MFF: variants seen among roughly 807,000 people sequenced by gnomAD.
MFF encodes the protein chromosome 2 open reading frame 33.
In MFF, 12 loss-of-function variants were observed where a neutral mutation model predicts 36.9. The ratio of observed to expected loss-of-function variants is 0.33; its 90% CI spans 0.21 to 0.53. MFF has a LOEUF of 0.53. Among genes scored for constraint, MFF ranks in the 20% least tolerant of loss-of-function variants. MFF has a pLI of 0.95. For synonymous variants in MFF, 99 were observed against 126.2 expected, an observed-to-expected ratio of 0.78 and a Z score of 1.44; for missense variants, 348 against 366.6, an observed-to-expected ratio of 0.95 and a Z score of 0.42.
At chr2:227,327,669 T>C (rs924917293) in intron 1 of MFF, among the ~76,000 whole-genome samples, 17 of 152,218 alleles carry the variant, frequency 1.1e-4, no homozygotes, top group African/African-American at 3.9e-4. Flanking sequence ...AATATAGTAG[T>C]GAGACCTATG....
At chr2:227,351,417 A>G (rs1034068110) in intron 6 of MFF, among the ~76,000 whole-genome samples, 83 of 150,582 alleles carry the variant, frequency 5.5e-4, no homozygotes, top group Admixed American at 1.3e-3. Context: ...ATTGTAGTCA[A>G]AATTCCACAG....
chr2:227,355,601 C>T, intron 7 of MFF, 76 bp from the exon 8 acceptor site: 1 of 791,534 alleles, frequency 1.3e-6, no homozygotes, highest in South Asian at 1.7e-5. Context: ...GAGCATTACA[C>T]AAAGCATGAT....
intron 5 of MFF, chr2:227,346,754 T>C (rs10177414): frequency 0.33 from 43,972 of 131,934 alleles, 7,344 homozygotes; most frequent in South Asian, 0.53. Flanking sequence ...ACGAAGTGTT[T>C]GAAATGGTGT....
intron 4 of MFF, among the ~76,000 whole-genome samples, chr2:227,338,791 T>A (rs2075201160): frequency 6.6e-6 from 1 of 151,210 alleles, no homozygotes; most frequent in Non-Finnish European, 1.5e-5. Flanking sequence ...GCCGAGATTG[T>A]GCCACTGCAT....
At position 227,329,775 on chromosome 2, in the gene MFF, A is replaced by T. The variant is rs371398211; in HGVS notation, c.-40-851A>T. 4.4e-6 allele frequency: 7 copies of T among 1,581,424 alleles called. No homozygotes were observed. The South Asian group carries it at 5.6e-5, about 13-fold the overall frequency. On this transcript the variant is annotated intron_variant, in intron 2 of 8. Transcript: ENST00000304593. The stretch of plus-strand genomic sequence containing the variant: ...GTAAAGGAACAAGCAGTGACACATC[A>T]CTAGGAAGGTCAGTGAAATTTTATT...
chr2:227,346,562 G>A (rs1370618914), intron 5 of MFF, among the ~76,000 whole-genome samples: 2 of 152,174 alleles, frequency 1.3e-5, no homozygotes, highest in Admixed American at 1.3e-4. Flanking sequence ...TTTAAGAAGT[G>A]TCCTTGCCTT....
intron 5 of MFF, among the ~76,000 whole-genome samples, chr2:227,343,994 G>A (rs1199911070): frequency 2.0e-5 from 3 of 152,082 alleles, no homozygotes; most frequent in Admixed American, 6.6e-5. Flanking sequence ...CATCATATTG[G>A]CCAGGCTGGT....
intron 2 of MFF, chr2:227,330,361 A>G (rs1039267249): frequency 9.5e-6 from 4 of 420,166 alleles, no homozygotes; most frequent in Non-Finnish European, 1.7e-5. Context: ...GTGTGTGTAC[A>G]CATTTGTGTT....
At chr2:227,343,569 G>A (rs1007369786) in intron 5 of MFF, among the ~76,000 whole-genome samples, 1 of 152,038 alleles carries the variant, frequency 6.6e-6, no homozygotes, top group African/African-American at 2.4e-5. Flanking sequence ...TAATATATTT[G>A]TGTTTTAGTG....
In MFF at chr2:227,340,331, A is replaced by G; in HGVS notation, c.391A>G (p.Ser131Gly). 6.2e-7 allele frequency: 1 copy of G among 1,614,078 alleles called. No homozygotes were observed. The highest frequency in any genetic ancestry group is 8.5e-7 in the Non-Finnish European group (1 of 1,179,958). The change falls in exon 5 of 9, where the codon AGT becomes GGT. Residue 131 changes from serine to glycine, a missense_variant. Physicochemically the swap from Ser to Gly is moderately conservative, Grantham distance 56. Coordinates refer to ENST00000304593, the MANE Select transcript of MFF (RefSeq NM_001277062.2). ...VGRLKRERSM[S>G]ENAVRQNGQL... ...CAGACTAAAAAGAGAGCGGTCTATG[A>G]GTGAAAATGCTGTTCGCCAAAATGG... is the stretch of plus-strand genomic sequence containing the variant.
intron 4 of MFF, among the ~76,000 whole-genome samples, chr2:227,339,743 G>C (rs1166875090): frequency 9.2e-5 from 14 of 152,154 alleles, no homozygotes; most frequent in Admixed American, 7.9e-4. Flanking sequence ...TAATGAAGAA[G>C]GTCAAAGATA....
At chr2:227,355,617 G>T in intron 7 of MFF, 60 bp from the exon 8 acceptor site, 1 of 865,306 alleles carries the variant, frequency 1.2e-6, no homozygotes, top group East Asian at 2.5e-5. Context: ...ATGATGTGGC[G>T]TGCCATTTAC....
chr2:227,328,410 C>T (rs1239047872), intron 1 of MFF, among the ~76,000 whole-genome samples: 1 of 149,678 alleles, frequency 6.7e-6, no homozygotes, highest in Non-Finnish European at 1.5e-5. Context: ...ACGTATTTTT[C>T]ATCTGCCACA....
Position 227,331,972 on chromosome 2 carries a change from T to A in MFF, c.182-447T>A, listed in dbSNP as rs919922718. ...TACGCTGGAAGCATTTTTTTTTTTT[T>A]TTTTTTTTTTTTTTTTTGAGACGGA... On this transcript the variant is annotated intron_variant, in intron 3 of 8. Coordinates refer to ENST00000304593, the MANE Select transcript of MFF (RefSeq NM_001277062.2). Among the ~76,000 whole-genome samples, 715 of 128,120 alleles carry A rather than the reference T, an allele frequency of 5.6e-3. 19 individuals are homozygous for A. The highest frequency in any genetic ancestry group is 0.019 in the African/African-American group (610 of 32,768). 84.1% of individuals were successfully genotyped at this position (128,120 alleles called of 152,430 possible).
At chr2:227,347,926 T>G (rs907324440) in intron 6 of MFF, among the ~76,000 whole-genome samples, 7 of 152,252 alleles carry the variant, frequency 4.6e-5, no homozygotes, top group Admixed American at 2.6e-4. Context: ...TGTTGATAAT[T>G]TATCTCACTT....
In MFF at chr2:227,334,887, G is replaced by C. The variant is rs539504887; in HGVS notation, c.351+2299G>C. Among the ~76,000 whole-genome samples the C allele has an allele frequency of 7.2e-5, 11 of 152,268 alleles. No homozygotes were observed. In the South Asian group the frequency reaches 2.3e-3, roughly 32 times the overall value. The stretch of plus-strand genomic sequence containing the variant: ...TTCAGCCATAAAAAAATGAGGTACT[G>C]GCTGGGTGCGGTGGCTCATGCCTGC... On this transcript the variant is annotated intron_variant, in intron 4 of 8. Transcript: ENST00000304593.
chr2:227,335,300 G>A (rs2074913366), intron 4 of MFF, among the ~76,000 whole-genome samples: 1 of 152,134 alleles, frequency 6.6e-6, no homozygotes, highest in South Asian at 2.1e-4. Context: ...TATCCAGAGT[G>A]GCCAAATGAA....
chr2:227,357,349 C>G lies in MFF; in HGVS notation c.*232C>G. 1 of 356,926 alleles carries G rather than the reference C, an allele frequency of 2.8e-6. No individual in the cohort carries two copies. Among genetic ancestry groups the G allele is most frequent in the Non-Finnish European group, 5.0e-6 (1 of 199,908 alleles). The allele number at this position is 356,926 out of a possible 1,614,324, so 22.1% of individuals were successfully genotyped here. A position where few individuals can be genotyped will look rare whatever the true frequency, so the allele number is the denominator to read the frequency against. ...TCTGCAGTAACACCTGCTTAAAATT[C>G]TCCCTTTGCATGTTTTGTAAATAGG... On this transcript the variant is annotated 3_prime_UTR_variant, in exon 9 of 9. Transcript: ENST00000304593.
chr2:227,354,288 T>C (rs1436945409), intron 7 of MFF, among the ~76,000 whole-genome samples: 3 of 152,220 alleles, frequency 2.0e-5, no homozygotes, highest in African/African-American at 7.2e-5. Context: ...CTTTAACATG[T>C]CTGGATGAAA....
Sources: gnomAD v4.1 joint callset for allele counts (sites outside exome capture counted in the v4.1 genomes callset) on GRCh38, gnomAD v4.1.1 for gene constraint, MANE v1.5 for transcripts, NCBI Gene and HGNC (gene_info 2026-07-23, HGNC 2026-07-21) for gene names.